Variants in TBL1X observed in about 807,000 individuals in gnomAD.
TBL1X encodes the protein F-box-like/WD repeat-containing protein TBL1X.
A neutral mutation model predicts 50.7 loss-of-function variants in TBL1X; 10 were observed. The ratio of observed to expected loss-of-function variants is 0.20; its 90% CI spans 0.12 to 0.33. TBL1X has a LOEUF of 0.33. Among genes scored for constraint, TBL1X ranks in the 10% least tolerant of loss-of-function variants. The pLI, the probability that TBL1X is intolerant of heterozygous loss-of-function variation, is 1.00. For synonymous variants in TBL1X, 190 were observed against 214.7 expected, an observed-to-expected ratio of 0.88 and a Z score of 1.01; for missense variants, 340 against 504.4, an observed-to-expected ratio of 0.67 and a Z score of 3.12.
intron 16 of TBL1X, among the ~76,000 whole-genome samples, chrX:9,713,202 C>T (rs1316238927): frequency 9.0e-6 from 1 of 111,062 alleles, no homozygotes; most frequent in Non-Finnish European, 1.9e-5. Context: ...CCAAGCCCAG[C>T]CCCACAGCCC....
chrX:9,483,090 T>G (rs1057474864), intron 1 of TBL1X, among the ~76,000 whole-genome samples: 1 of 111,180 alleles, frequency 9.0e-6, no homozygotes, highest in African/African-American at 3.3e-5. Flanking sequence ...AGGGCTGGCC[T>G]CCTGAAGTGC....
chrX:9,536,451 C>T (rs1467745939), intron 2 of TBL1X, among the ~76,000 whole-genome samples: 2 of 110,339 alleles, frequency 1.8e-5, no homozygotes, highest in Non-Finnish European at 3.8e-5. Flanking sequence ...GAGGTTTCAC[C>T]ATGTGGGCCA....
chrX:9,469,059 ATCCT>A (rs1358486260), intron 1 of TBL1X, among the ~76,000 whole-genome samples: 2 of 110,838 alleles, frequency 1.8e-5, no homozygotes, highest in African/African-American at 6.6e-5. Flanking sequence ...GGCTCCAGTG[ATCCT>A]TCCTCCTTGA....
chrX:9,569,414 CTGTG>C (rs964342546), intron 2 of TBL1X, among the ~76,000 whole-genome samples: 6 of 110,402 alleles, frequency 5.4e-5, no homozygotes, highest in African/African-American at 9.9e-5. Context: ...GTGTGGTGTA[CTGTG>C]TGTGTGTCTA....
intron 1 of TBL1X, among the ~76,000 whole-genome samples, chrX:9,478,415 G>A (rs746123092): frequency 6.3e-5 from 7 of 111,715 alleles, no homozygotes; most frequent in African/African-American, 6.5e-5. Context: ...TTTTGAAACC[G>A]CCTTTGCAAA....
intron 5 of TBL1X, among the ~76,000 whole-genome samples, chrX:9,674,255 C>T (rs1208763571): frequency 1.8e-5 from 2 of 111,010 alleles, no homozygotes; most frequent in African/African-American, 6.6e-5. Flanking sequence ...CTCCTCCCCC[C>T]GCCCGATATA....
At chrX:9,681,750 A>G (rs1370032293) in intron 5 of TBL1X, among the ~76,000 whole-genome samples, 1 of 112,770 alleles carries the variant, frequency 8.9e-6, no homozygotes, top group African/African-American at 3.2e-5. Context: ...GTTTCTAGAT[A>G]CTGTTTCATG....
At chrX:9,609,411 G>GGT (rs749352901) in intron 2 of TBL1X, among the ~76,000 whole-genome samples, 8,491 of 97,694 alleles carry the variant, frequency 0.087, 360 homozygotes, top group Middle Eastern at 0.15. Flanking sequence ...TCCAGGTAGG[G>GGT]GTGTGTGTGT....
chrX:9,673,171 G>A (rs1447763237), intron 5 of TBL1X, among the ~76,000 whole-genome samples: 1 of 112,495 alleles, frequency 8.9e-6, no homozygotes, highest in African/African-American at 3.2e-5. Flanking sequence ...AGGGCGGAGA[G>A]AAGCATTCAG....
At chrX:9,551,399 G>A (rs1234107757) in intron 2 of TBL1X, among the ~76,000 whole-genome samples, 2 of 111,429 alleles carry the variant, frequency 1.8e-5, no homozygotes, top group African/African-American at 6.6e-5. Context: ...TGGTGGTGGT[G>A]ATGCTGATGT....
intron 2 of TBL1X, among the ~76,000 whole-genome samples, chrX:9,537,013 T>C (rs1447327568): frequency 8.9e-6 from 1 of 111,889 alleles, no homozygotes; most frequent in Non-Finnish European, 1.9e-5. Context: ...TTGAAGCAAT[T>C]ACTGTAAGGT....
intron 2 of TBL1X, among the ~76,000 whole-genome samples, chrX:9,540,284 A>G (rs779685466): frequency 8.9e-6 from 1 of 112,464 alleles, no homozygotes; most frequent in African/African-American, 3.2e-5. Flanking sequence ...GTTATACACT[A>G]GGTGGCAACT....
intron 2 of TBL1X, among the ~76,000 whole-genome samples, chrX:9,573,869 G>T (rs2082397479): frequency 8.9e-6 from 1 of 112,844 alleles, no homozygotes; most frequent in African/African-American, 3.2e-5. Flanking sequence ...GCACATTTGT[G>T]GTTGTTTAAT....
At chrX:9,519,096 C>T (rs1001944056) in intron 2 of TBL1X, among the ~76,000 whole-genome samples, 1 of 111,566 alleles carries the variant, frequency 9.0e-6, no homozygotes, top group Admixed American at 9.5e-5. Flanking sequence ...GGAGATAACA[C>T]GTGAAGGAGA....
intron 12 of TBL1X, among the ~76,000 whole-genome samples, chrX:9,700,096 C>T (rs911744221): frequency 3.6e-5 from 4 of 112,351 alleles, no homozygotes; most frequent in Non-Finnish European, 5.6e-5. Flanking sequence ...ACACTTGCTA[C>T]TCTGTGCTCT....
At chrX:9,490,387 G>A (rs1259241139) in intron 1 of TBL1X, among the ~76,000 whole-genome samples, 1 of 111,797 alleles carries the variant, frequency 8.9e-6, no homozygotes, top group Admixed American at 9.5e-5. Context: ...ACACTTTTGC[G>A]TTTCACAGCT....
rs1171362205 is a variant in TBL1X at position 9,624,179 on chromosome X, T to A, written c.-130-16094T>A. On this transcript the variant is annotated intron_variant, in intron 2 of 17. Transcript: ENST00000645353. Reference sequence around the variant, plus strand: ...CAACTAAGAGGCAGTCTTCTATTTTTAATCTGTGATATTTCTGTAAAGTCA... The same window carrying A: ...CAACTAAGAGGCAGTCTTCTATTTTAAATCTGTGATATTTCTGTAAAGTCA... Among the ~76,000 whole-genome samples, 3 of 112,633 alleles carry A rather than the reference T, an allele frequency of 2.7e-5. No individual in the cohort carries two copies. The Admixed American group carries it at 2.8e-4, about 11-fold the overall frequency.
chrX:9,663,800 T>C (rs955917708), intron 5 of TBL1X, among the ~76,000 whole-genome samples: 2 of 107,719 alleles, frequency 1.9e-5, no homozygotes, highest in East Asian at 5.8e-4. Flanking sequence ...TTGCAGACTA[T>C]ATGATTCCAT....
At chrX:9,469,830 G>A (rs901350716) in intron 1 of TBL1X, among the ~76,000 whole-genome samples, 2 of 111,816 alleles carry the variant, frequency 1.8e-5, no homozygotes, top group Non-Finnish European at 3.8e-5. Context: ...TGGAAGTCTT[G>A]GGGATCCCAT....
Sources: allele counts gnomAD v4.1 joint callset (sites outside exome capture counted in the v4.1 genomes callset), GRCh38; gene constraint gnomAD v4.1.1; transcripts MANE v1.5; gene names NCBI Gene and HGNC (gene_info 2026-07-23, HGNC 2026-07-21).